The following GBE1 variants were observed in gnomAD, a reference collection of about 807,000 sequenced individuals.
GBE1 encodes the protein 1,4-alpha-glucan branching enzyme 1.
In GBE1, 70 loss-of-function variants were observed where a neutral mutation model predicts 88.8. The observed-to-expected ratio is 0.79, with a 90% CI of 0.65 to 0.96. GBE1 has a LOEUF of 0.96. Ranked by LOEUF, GBE1 falls within the 40% of genes least tolerant of loss-of-function variation. The pLI is 0.00. For missense variants in GBE1, 872 were observed against 871.0 expected (o/e 1.00, Z -0.01); for synonymous variants, 284 against 300.1 (o/e 0.95, Z 0.56).
At chr3:81,677,869 G>A (rs1171823852) in intron 2 of GBE1, among the ~76,000 whole-genome samples, 2 of 152,160 alleles carry the variant, frequency 1.3e-5, no homozygotes, top group East Asian at 3.9e-4. Context: ...TAGCTTAGGT[G>A]TGGTTTTCAA....
intron 1 of GBE1, among the ~76,000 whole-genome samples, chr3:81,740,896 C>T (rs560422836): frequency 6.6e-6 from 1 of 152,086 alleles, no homozygotes; most frequent in Non-Finnish European, 1.5e-5. Context: ...GAGGTCCAGA[C>T]CACTAATTAT....
intron 1 of GBE1, among the ~76,000 whole-genome samples, chr3:81,744,530 G>A (rs1281386465): frequency 6.6e-6 from 1 of 152,090 alleles, no homozygotes; most frequent in Non-Finnish European, 1.5e-5. Flanking sequence ...CACTCATAAT[G>A]TCCCTTGACT....
intron 12 of GBE1, among the ~76,000 whole-genome samples, chr3:81,553,025 G>T (rs562785351): frequency 1.3e-5 from 2 of 152,140 alleles, no homozygotes; most frequent in Non-Finnish European, 2.9e-5. Flanking sequence ...ATGTCTCTGC[G>T]TACTTTTCAT....
At chr3:81,705,312 T>C (rs1705758226) in intron 2 of GBE1, 132 bp downstream of exon 2, 1 of 653,046 alleles carries the variant, frequency 1.5e-6, no homozygotes, top group Non-Finnish European at 2.4e-6. Flanking sequence ...ATTCTAAGGC[T>C]CTATCTGAAA....
rs1398276812 is a variant in GBE1, at chr3:81,733,008, C to T, written c.144-27395G>A. Among the ~76,000 whole-genome samples, 2 of 152,142 alleles carry T rather than the reference C, an allele frequency of 1.3e-5. No individual in the cohort carries two copies. Among genetic ancestry groups the T allele is most frequent in the Non-Finnish European group, 2.9e-5 (2 of 68,026 alleles). On this transcript the variant is annotated intron_variant, in intron 1 of 15. Coordinates refer to ENST00000429644, the MANE Select transcript of GBE1 (RefSeq NM_000158.4). The surrounding 1 kb of genome is among the most constrained non-coding windows in gnomAD (Gnocchi z 4.0). ...AATACTCTAGGCCAGGGGTCCCCAC[C>T]GGTCCATGGCCTGTTAGGAATTGTG...
chr3:81,651,808 G>T (rs1425456526), intron 3 of GBE1, among the ~76,000 whole-genome samples: 1 of 152,202 alleles, frequency 6.6e-6, no homozygotes, highest in African/African-American at 2.4e-5. Flanking sequence ...TTCTAAAGGT[G>T]TCTGTTGGCA....
chr3:81,684,051 T>C (rs923040752), intron 2 of GBE1, among the ~76,000 whole-genome samples: 1 of 152,216 alleles, frequency 6.6e-6, no homozygotes, highest in Non-Finnish European at 1.5e-5. Context: ...CCTTAGTGCT[T>C]GACATTCGAC....
intron 12 of GBE1, among the ~76,000 whole-genome samples, chr3:81,560,617 G>T (rs1466564108): frequency 6.6e-6 from 1 of 151,894 alleles, no homozygotes; most frequent in Non-Finnish European, 1.5e-5. Context: ...ACCTCCACAT[G>T]GTCATCTCTG....
In GBE1 at chr3:81,594,011, T is replaced by C. The variant is rs1703918962; in HGVS notation, c.1005A>G (p.Leu335=). The C allele has an allele frequency of 1.3e-6, 2 of 1,508,290 alleles. No homozygotes were observed. The highest frequency in any genetic ancestry group is 2.8e-5 in the African/African-American group (2 of 72,722). The allele number at this position is 1,508,290 out of a possible 1,614,324, so 93.4% of individuals were successfully genotyped here. The change falls in exon 8 of 16, where the codon TTA becomes TTG. Residue 335 remains leucine (L), a synonymous_variant. Coordinates refer to ENST00000429644, the MANE Select transcript of GBE1 (RefSeq NM_000158.4). ...RLFAYSSWEI[L]RFLLSNIRWW... ...ATCTTATGTTTGACAGAAGGAATCTTAAAATTTCCCAGCTAAAATATAAGA... is the reference window on the plus strand; with the variant it reads ...ATCTTATGTTTGACAGAAGGAATCTCAAAATTTCCCAGCTAAAATATAAGA...
At chr3:81,606,661 C>T (rs1704106017) in intron 7 of GBE1, among the ~76,000 whole-genome samples, 3 of 152,180 alleles carry the variant, frequency 2.0e-5, no homozygotes, top group Admixed American at 1.3e-4. Context: ...TACTCTCTGC[C>T]TAGAATTCTC....
At chr3:81,657,048 C>T (rs556961877) in intron 3 of GBE1, among the ~76,000 whole-genome samples, 7 of 145,544 alleles carry the variant, frequency 4.8e-5, no homozygotes, top group African/African-American at 1.5e-4. Flanking sequence ...TCCAGCTACT[C>T]GGGAGGCTGA....
chr3:81,719,237 G>T (rs1296425006), intron 1 of GBE1, among the ~76,000 whole-genome samples: 4 of 152,010 alleles, frequency 2.6e-5, no homozygotes, highest in Non-Finnish European at 4.4e-5. Flanking sequence ...TTGGTTTTGA[G>T]ACAGAGTTTT....
At chr3:81,579,107 T>C (rs1000824377) in intron 11 of GBE1, among the ~76,000 whole-genome samples, 3 of 152,010 alleles carry the variant, frequency 2.0e-5, no homozygotes, top group Non-Finnish European at 2.9e-5. Flanking sequence ...ATCAGGTTCA[T>C]AGATAAAGCT....
At chr3:81,650,200 G>A (rs1432867872) in intron 3 of GBE1, 2 of 240,572 alleles carry the variant, frequency 8.3e-6, no homozygotes, top group Non-Finnish European at 1.6e-5. Context: ...TTACTTAAAC[G>A]AACAGTAGAT....
At chr3:81,587,130 G>A (rs1032113246) in intron 9 of GBE1, among the ~76,000 whole-genome samples, 17 of 151,874 alleles carry the variant, frequency 1.1e-4, no homozygotes, top group Non-Finnish European at 1.8e-4. Context: ...TGGTAGAGCC[G>A]GATTCAGATA....
intron 1 of GBE1, among the ~76,000 whole-genome samples, chr3:81,750,669 A>ACG (rs1183048841): frequency 1.2e-5 from 1 of 80,138 alleles, no homozygotes; most frequent in African/African-American, 7.9e-5. Context: ...GTATATATAT[A>ACG]TATACGTATA....
intron 1 of GBE1, among the ~76,000 whole-genome samples, chr3:81,737,369 AT>A (rs1706277360): frequency 2.9e-5 from 1 of 34,004 alleles, no homozygotes; most frequent in African/African-American, 1.3e-4. Flanking sequence ...TTATATATTT[AT>A]ATATATTTTT....
In GBE1 at chr3:81,608,507, T is replaced by C. The variant is rs138917371; in HGVS notation, c.993-14484A>G. On this transcript the variant is annotated intron_variant, in intron 7 of 15. Transcript: ENST00000429644. ...TTTCAAAACCTCTTTCAACCTTCAC[T>C]AAAGGTCACGGAATACGTTTGTGAT... Among the ~76,000 whole-genome samples the C allele has an allele frequency of 1.3e-4, 20 of 152,296 alleles. No homozygotes were observed. The East Asian group carries it at 3.9e-3, about 29-fold the overall frequency.
chr3:81,698,441 A>G (rs533523726), intron 2 of GBE1, among the ~76,000 whole-genome samples: 1 of 152,330 alleles, frequency 6.6e-6, no homozygotes, highest in Admixed American at 6.5e-5. Flanking sequence ...CCCTCTGGAC[A>G]AAAATGAATG....
Sources: allele counts gnomAD v4.1 joint callset (sites outside exome capture counted in the v4.1 genomes callset), GRCh38; gene constraint gnomAD v4.1.1; non-coding constraint Gnocchi (gnomAD v3.1); transcripts MANE v1.5; gene names NCBI Gene and HGNC (gene_info 2026-07-23, HGNC 2026-07-21).